HAUS8: variants seen among roughly 807,000 people sequenced by gnomAD.
HAUS8 encodes the protein HAUS augmin-like complex subunit 8.
Under a neutral mutation model 42.9 loss-of-function variants are expected in HAUS8, and 38 were observed. The ratio of observed to expected loss-of-function variants is 0.89; its 90% CI spans 0.68 to 1.16. HAUS8 has a LOEUF of 1.16. HAUS8 is among the 50% of genes most tolerant of loss of function. HAUS8 has a pLI of 0.00. For synonymous variants in HAUS8, 199 were observed against 205.8 expected, an observed-to-expected ratio of 0.97 and a Z score of 0.28; for missense variants, 494 against 511.6, an observed-to-expected ratio of 0.97 and a Z score of 0.33.
intron 10 of HAUS8, among the ~76,000 whole-genome samples, chr19:17,050,596 C>CA (rs869101281): frequency 6.6e-6 from 1 of 152,058 alleles, no homozygotes; most frequent in Non-Finnish European, 1.5e-5. Flanking sequence ...CACGTCTATA[C>CA]AAAAATTTTT....
At chr19:17,056,071 C>T (rs1421498357) in intron 8 of HAUS8, 69 bp from the exon 9 acceptor site, 44 of 1,487,338 alleles carry the variant, frequency 3.0e-5, no homozygotes, top group Non-Finnish European at 3.9e-5. Context: ...AGAAGCTTAA[C>T]GGCTTGTGCA....
chr19:17,055,146 ATATATATATAT>A (rs2057316100), intron 9 of HAUS8: 4 of 3,988 alleles, frequency 1.0e-3, no homozygotes, highest in Non-Finnish European at 1.6e-3. Context: ...AAAAAAAAAT[ATATATATATAT>A]ATATATATAT....
chr19:17,057,465 T>C (rs2057333378), intron 8 of HAUS8, among the ~76,000 whole-genome samples: 1 of 152,222 alleles, frequency 6.6e-6, no homozygotes, highest in Non-Finnish European at 1.5e-5. Context: ...TCAGTATTTC[T>C]AGGCTATAAG....
In HAUS8 at chr19:17,069,070, C is replaced by T. The variant is rs145874203; in HGVS notation, c.108G>A (p.Glu36=). 489 of 1,613,288 alleles carry T rather than the reference C, an allele frequency of 3.0e-4. No homozygotes were observed. The highest frequency in any genetic ancestry group is 3.8e-4 in the Non-Finnish European group (447 of 1,179,674). The part of the protein sequence containing the change: ...DKRVQGGRVI[E]SRYLQYEKKT... Reference sequence around the variant, plus strand: ...TCTTTTCATACTGCAGATACCGGGACTCAATCACTCTTCCACCTGTGGGGA... The same window carrying T: ...TCTTTTCATACTGCAGATACCGGGATTCAATCACTCTTCCACCTGTGGGGA... Residue 36 remains glutamate (E), a synonymous_variant, in exon 3 of 11, where the codon GAG becomes GAA. Transcript: ENST00000253669.
intron 1 of HAUS8, 63 bp from the exon 2 acceptor site, chr19:17,073,398 G>A (rs1029293473): frequency 8.8e-6 from 13 of 1,475,898 alleles, no homozygotes; most frequent in East Asian, 6.8e-5. Context: ...GGAAGCCGGC[G>A]AGGTGCCTCT....
chr19:17,056,366 G>A (rs2057326691), intron 8 of HAUS8, among the ~76,000 whole-genome samples: 1 of 152,176 alleles, frequency 6.6e-6, no homozygotes, highest in Admixed American at 6.5e-5. Context: ...GGTTTGAAAT[G>A]ATATACGATT....
At chr19:17,059,194 CCA>C (rs1378114106) in intron 6 of HAUS8, among the ~76,000 whole-genome samples, 4 of 152,184 alleles carry the variant, frequency 2.6e-5, no homozygotes, top group African/African-American at 9.7e-5. Flanking sequence ...TGCCGTCTCC[CCA>C]CCTGCTGGTC....
At chr19:17,069,521 G>A (rs1349193128) in intron 2 of HAUS8, among the ~76,000 whole-genome samples, 1 of 139,124 alleles carries the variant, frequency 7.2e-6, no homozygotes, top group Non-Finnish European at 1.6e-5. Context: ...TACTCCCCCC[G>A]CCCCTTACTC....
chr19:17,049,830 G>A lies in HAUS8; in HGVS notation c.*43C>T, dbSNP rs779521049. ...ACATAAAAAATAGCTACAGTGCTAC[G>A]GTAGTATATAAAGTGCTCAAGTATC... On this transcript the variant is annotated 3_prime_UTR_variant, in exon 11 of 11. Coordinates refer to ENST00000253669, the MANE Select transcript of HAUS8 (RefSeq NM_033417.2). 14 of 1,313,074 alleles carry A rather than the reference G, an allele frequency of 1.1e-5. No individual in the cohort carries two copies. In the South Asian group the frequency reaches 1.4e-4, roughly 13 times the overall value. 81.3% of individuals were successfully genotyped at this position (1,313,074 alleles called of 1,614,324 possible).
intron 9 of HAUS8, chr19:17,053,849 G>A (rs1020435726): frequency 3.3e-5 from 5 of 151,968 alleles, no homozygotes; most frequent in African/African-American, 1.2e-4. Context: ...ATTTTTAGTA[G>A]AGACAGGGTT....
rs1338353834 is a variant in HAUS8 at position 17,055,946 on chromosome 19, C to T, written c.702G>A (p.Arg234=). 1.2e-6 allele frequency: 2 copies of T among 1,614,200 alleles called. No homozygotes were observed. Among genetic ancestry groups the T allele is most frequent in the Non-Finnish European group, 1.7e-6 (2 of 1,180,012 alleles). The part of the protein sequence containing the change: ...AVATRFKEQY[R]TFATALDTTR... ...TAGTGTCCAGGGCCGTGGCGAATGTCCTGTATTGCTCCTTGAAGCGTGTGG... is the reference window on the plus strand; with the variant it reads ...TAGTGTCCAGGGCCGTGGCGAATGTTCTGTATTGCTCCTTGAAGCGTGTGG... The change falls in exon 9 of 11, where the codon AGG becomes AGA. Residue 234 remains arginine, a synonymous_variant. Transcript: ENST00000253669.
chr19:17,050,221 T>G (rs1599964772), intron 10 of HAUS8, 45 bp from the exon 11 acceptor site: 2 of 1,414,294 alleles, frequency 1.4e-6, no homozygotes, highest in Non-Finnish European at 1.9e-6. Flanking sequence ...CCCTCTGAGG[T>G]GAAGCGCATG....
intron 4 of HAUS8, among the ~76,000 whole-genome samples, chr19:17,061,274 G>C (rs1327790369): frequency 1.3e-5 from 2 of 152,084 alleles, no homozygotes; most frequent in Admixed American, 6.5e-5. Context: ...GAGAATACAG[G>C]CAAGTGTCAC....
intron 2 of HAUS8, among the ~76,000 whole-genome samples, chr19:17,071,454 G>A (rs1244091188): frequency 6.6e-6 from 1 of 152,182 alleles, no homozygotes; most frequent in Non-Finnish European, 1.5e-5. Flanking sequence ...TCCAAGGGCT[G>A]AGGCCAGGAC....
intron 1 of HAUS8, 141 bp downstream of exon 1, chr19:17,075,253 C>T (rs2057462885): frequency 2.3e-6 from 2 of 882,348 alleles, no homozygotes; most frequent in East Asian, 2.6e-5. Context: ...AGCACGCCAT[C>T]GGGGTCTTCA....
Position 17,069,022 on chromosome 19 carries a change from C to T in HAUS8, c.147+9G>A, listed in dbSNP as rs377708773. ...AACTGCTGCAAATGGAAGCTGGGTG[C>T]GGCCTTACCTTTTGGGTTGTCTTCT... On this transcript the variant is annotated intron_variant, in intron 3 of 10. Coordinates refer to ENST00000253669, the MANE Select transcript of HAUS8 (RefSeq NM_033417.2). 5.0e-5 allele frequency: 81 copies of T among 1,611,014 alleles called. No homozygotes were observed. The African/African-American group carries it at 6.3e-4, about 12-fold the overall frequency.
chr19:17,058,517 T>C, intron 8 of HAUS8, 32 bp downstream of exon 8: 1 of 1,553,628 alleles, frequency 6.4e-7, no homozygotes, highest in African/African-American at 1.4e-5. Flanking sequence ...CAGGGAACAC[T>C]CACTGGTCAC....
chr19:17,061,022 G>A (rs565527345), intron 4 of HAUS8, among the ~76,000 whole-genome samples: 2 of 152,222 alleles, frequency 1.3e-5, no homozygotes, highest in Admixed American at 6.5e-5. Context: ...ATATAACAAC[G>A]ATTTGTGTTG....
intron 2 of HAUS8, 98 bp downstream of exon 2, chr19:17,073,176 C>T: frequency 1.9e-6 from 2 of 1,066,134 alleles, no homozygotes; most frequent in Non-Finnish European, 2.9e-6. Flanking sequence ...GGAAGTAAAG[C>T]CACAGGCCCC....
Sources: allele counts gnomAD v4.1 joint callset (sites outside exome capture counted in the v4.1 genomes callset), GRCh38; gene constraint gnomAD v4.1.1; transcripts MANE v1.5; gene names NCBI Gene and HGNC (gene_info 2026-07-23, HGNC 2026-07-21).